Variants in SUGCT observed in about 807,000 individuals in gnomAD.
SUGCT encodes the protein succinyl-CoA:glutarate CoA-transferase.
In SUGCT, 41 loss-of-function variants were observed where a neutral mutation model predicts 55.0. That is an observed-to-expected ratio of 0.74 (90% CI 0.58 to 0.97). The LOEUF is 0.97. SUGCT is among the 50% of genes least tolerant of loss of function. The pLI is 0.00. For synonymous variants in SUGCT, 187 were observed against 200.4 expected (o/e 0.93, Z 0.56); for missense variants, 568 against 547.8 (o/e 1.04, Z -0.37).
chr7:41,020,084 A>T, the SUGCT span, among the ~76,000 whole-genome samples: 8 of 152,192 alleles, frequency 5.3e-5, no homozygotes, highest in African/African-American at 1.9e-4. Context: ...TCAATTGTCA[A>T]GGGGATTGAA....
intron 13 of SUGCT, among the ~76,000 whole-genome samples, chr7:40,755,628 T>C (rs961905096): frequency 2.6e-5 from 4 of 152,212 alleles, no homozygotes; most frequent in Admixed American, 6.5e-5. Context: ...CAAGTTAGCA[T>C]TGGTGCTGAG....
chr7:41,012,255 G>A, the SUGCT span, among the ~76,000 whole-genome samples: 2 of 152,036 alleles, frequency 1.3e-5, no homozygotes. Flanking sequence ...ATTAGCTCAC[G>A]CTCGCCTGTG....
At chr7:40,587,194 A>G (rs1377622368) in intron 12 of SUGCT, among the ~76,000 whole-genome samples, 1 of 152,224 alleles carries the variant, frequency 6.6e-6, no homozygotes, top group Admixed American at 6.5e-5. Context: ...GACATGATGA[A>G]AATAGTGTGT....
chr7:40,259,438 C>G (rs1791068726), intron 7 of SUGCT, among the ~76,000 whole-genome samples: 1 of 152,112 alleles, frequency 6.6e-6, no homozygotes, highest in Non-Finnish European at 1.5e-5. Context: ...CTGAAAATCT[C>G]TAAGACAGTA....
rs191073931 is a variant in SUGCT at position 40,655,356 on chromosome 7, C to A, written c.1090-94078C>A. On this transcript the variant is annotated intron_variant, in intron 12 of 13. Coordinates refer to ENST00000335693, the MANE Select transcript of SUGCT (RefSeq NM_001193313.2). ...TATCCTCTCTCCCTCTCGCTCTTTT[C>A]CATTCACTAGTGTTAATGTGCTATA... Among the ~76,000 whole-genome samples the A allele has an allele frequency of 3.3e-5, 5 of 152,282 alleles. No individual in the cohort carries two copies. In the East Asian group the frequency reaches 9.6e-4, roughly 29 times the overall value.
chr7:40,849,647 T>C (rs1433637480), intron 13 of SUGCT, among the ~76,000 whole-genome samples: 1 of 152,152 alleles, frequency 6.6e-6, no homozygotes, highest in Non-Finnish European at 1.5e-5. Context: ...GGTGTTTGCA[T>C]AGATTGGTTA....
chr7:40,347,629 C>T (rs1412187360), intron 9 of SUGCT, among the ~76,000 whole-genome samples: 1 of 152,158 alleles, frequency 6.6e-6, no homozygotes, highest in Admixed American at 6.5e-5. Context: ...AAAGCACGTT[C>T]AGAAGAGGCC....
chr7:40,572,302 T>C (rs1466152092), intron 12 of SUGCT, among the ~76,000 whole-genome samples: 2 of 152,160 alleles, frequency 1.3e-5, no homozygotes, highest in Non-Finnish European at 2.9e-5. Context: ...ATATTTCTTT[T>C]GCCTCCCCAA....
At chr7:40,213,084 A>G (rs1787434387) in intron 6 of SUGCT, among the ~76,000 whole-genome samples, 1 of 152,096 alleles carries the variant, frequency 6.6e-6, no homozygotes, top group Non-Finnish European at 1.5e-5. Context: ...ATTATACTAT[A>G]CAAGTCTTTC....
intron 12 of SUGCT, among the ~76,000 whole-genome samples, chr7:40,518,571 A>G (rs1793369749): frequency 6.6e-6 from 1 of 152,108 alleles, no homozygotes; most frequent in Non-Finnish European, 1.5e-5. Flanking sequence ...TGCATGCATT[A>G]ATTAGTATTC....
chr7:40,847,791 G>A (rs1328598434), intron 13 of SUGCT, among the ~76,000 whole-genome samples: 1 of 152,064 alleles, frequency 6.6e-6, no homozygotes, highest in Non-Finnish European at 1.5e-5. Flanking sequence ...GTGTAATACT[G>A]TCATATTCCT....
intron 1 of SUGCT, among the ~76,000 whole-genome samples, chr7:40,148,147 G>T (rs1296194231): frequency 6.7e-6 from 1 of 149,900 alleles, no homozygotes; most frequent in Non-Finnish European, 1.5e-5. Context: ...GAGTCAGGGT[G>T]GAGTAGGTAA....
At chr7:40,979,951 C>T in the SUGCT span, 22 of 152,196 alleles carry the variant, frequency 1.4e-4, no homozygotes, top group African/African-American at 5.1e-4. Flanking sequence ...GGTTCATCTG[C>T]TCAGGCTGTC....
In SUGCT at chr7:40,459,089, T is replaced by A. The variant is rs944722639; in HGVS notation, c.889-12T>A. 6.3e-7 allele frequency: 1 copy of A among 1,585,568 alleles called. No individual in the cohort carries two copies. Among genetic ancestry groups the A allele is most frequent in the Non-Finnish European group, 8.6e-7 (1 of 1,156,766 alleles). On this transcript the variant is annotated splice_polypyrimidine_tract_variant and intron_variant, in intron 10 of 13. Transcript: ENST00000335693. Reference sequence around the variant, plus strand: ...CTATTTCTTATACTGGAAAATTATTTTTTTCTTTTAGATCTTGGATTTGCC... The same window carrying A: ...CTATTTCTTATACTGGAAAATTATTATTTTCTTTTAGATCTTGGATTTGCC...
intron 7 of SUGCT, among the ~76,000 whole-genome samples, chr7:40,256,426 A>G (rs368510853): frequency 6.6e-5 from 10 of 152,322 alleles, no homozygotes; most frequent in African/African-American, 2.2e-4. Flanking sequence ...ATTTATAGGT[A>G]TCTTTTGGTT....
intron 9 of SUGCT, among the ~76,000 whole-genome samples, chr7:40,364,341 A>G (rs1783811822): frequency 1.3e-5 from 2 of 151,752 alleles, no homozygotes; most frequent in African/African-American, 4.8e-5. Flanking sequence ...TTATGTGTGA[A>G]TTTGATCCTG....
chr7:40,305,255 T>C (rs1794788591), intron 8 of SUGCT, among the ~76,000 whole-genome samples: 1 of 152,254 alleles, frequency 6.6e-6, no homozygotes, highest in Non-Finnish European at 1.5e-5. Context: ...TTTTCTACTA[T>C]TGTAGCTTTC....
At chr7:40,195,132 C>T (rs1786171134) in intron 6 of SUGCT, 72 bp downstream of exon 6, 8 of 1,331,882 alleles carry the variant, frequency 6.0e-6, no homozygotes, top group East Asian at 2.8e-5. Flanking sequence ...CTATAAGAAA[C>T]CTTTTGCTGG....
At chr7:40,308,065 A>G (rs1202868696) in intron 8 of SUGCT, among the ~76,000 whole-genome samples, 1 of 152,122 alleles carries the variant, frequency 6.6e-6, no homozygotes, top group Non-Finnish European at 1.5e-5. Context: ...GAGCAGAAGG[A>G]TGTGAGAATT....
Sources: gnomAD v4.1 joint callset for allele counts (sites outside exome capture counted in the v4.1 genomes callset) on GRCh38, gnomAD v4.1.1 for gene constraint, MANE v1.5 for transcripts, NCBI Gene and HGNC (gene_info 2026-07-23, HGNC 2026-07-21) for gene names.